The following MSRB1 variants were observed in gnomAD, a reference collection of about 807,000 sequenced individuals.
MSRB1 encodes methionine-R-sulfoxide reductase B1.
In MSRB1, 13 loss-of-function variants were observed where a neutral mutation model predicts 15.2. The ratio of observed to expected loss-of-function variants is 0.86; its 90% CI spans 0.56 to 1.36. The LOEUF is 1.36. MSRB1 is among the 40% of genes most tolerant of loss of function. The pLI is 0.00. For missense variants in MSRB1, 174 were observed against 155.9 expected, an observed-to-expected ratio of 1.12 and a Z score of -0.62; for synonymous variants, 68 against 64.5, an observed-to-expected ratio of 1.05 and a Z score of -0.26.
chr16:1,943,023 C>T (rs939706366), intron 1 of MSRB1, 79 bp downstream of exon 1: 4 of 1,530,942 alleles, frequency 2.6e-6, no homozygotes, highest in African/African-American at 2.8e-5. Flanking sequence ...AGAGACATCA[C>T]CCCCGGACGA....
At chr16:1,939,178 G>C in intron 3 of MSRB1, 35 bp from the exon 4 acceptor site, 1 of 1,587,996 alleles carries the variant, frequency 6.3e-7, no homozygotes, top group Non-Finnish European at 8.5e-7. Flanking sequence ...AAGTATGCGG[G>C]GACAGAAAGC....
At chr16:1,941,699 A>T in intron 1 of MSRB1, 2 of 447,374 alleles carry the variant, frequency 4.5e-6, no homozygotes. Flanking sequence ...ACTCAGCTAC[A>T]AGTGTGTGCA....
chr16:1,941,535 G>T, intron 1 of MSRB1, 130 bp from the exon 2 acceptor site: 1 of 1,310,056 alleles, frequency 7.6e-7, no homozygotes, highest in South Asian at 1.5e-5. Context: ...TCCTTCCCCA[G>T]GCACCCGCCA....
At chr16:1,939,178 G>A in intron 3 of MSRB1, 35 bp from the exon 4 acceptor site, 1 of 1,587,996 alleles carries the variant, frequency 6.3e-7, no homozygotes, top group South Asian at 1.1e-5. Context: ...AAGTATGCGG[G>A]GACAGAAAGC....
chr16:1,941,033 G>A lies in MSRB1; in HGVS notation c.205-141C>T, dbSNP rs574586164. 5.6e-5 allele frequency: 87 copies of A among 1,553,126 alleles called. 1 individual carries two copies. In the South Asian group the frequency reaches 8.7e-4, roughly 16 times the overall value. On this transcript the variant is annotated intron_variant, in intron 2 of 3. Transcript: ENST00000361871. ...CCGCCGACATAAGAGGTTGACCTTT[G>A]TCCTGGAGCCCGTACAGGAAACCTG...
At chr16:1,941,493 A>G in intron 1 of MSRB1, 88 bp from the exon 2 acceptor site, 3 of 1,478,436 alleles carry the variant, frequency 2.0e-6, no homozygotes, top group Non-Finnish European at 2.7e-6. Context: ...AGGCAAAGAC[A>G]GCGCTGCCCC....
Position 1,939,046 on chromosome 16 carries a change from C to G in MSRB1, c.*66G>C, listed in dbSNP as rs999835047. ...GTCTCGACGCCCAGGGTTCCAACTC[C>G]AAGGTGGAATGGCCAACGTGTGGCC... On this transcript the variant is annotated 3_prime_UTR_variant, in exon 4 of 4. Coordinates refer to ENST00000361871, the MANE Select transcript of MSRB1 (RefSeq NM_016332.4). The G allele has an allele frequency of 1.3e-6, 2 of 1,593,336 alleles. No individual in the cohort carries two copies. The highest frequency in any genetic ancestry group is 2.7e-5 in the African/African-American group (2 of 74,544).
chr16:1,941,035 C>T (rs1415736134), intron 2 of MSRB1, 143 bp from the exon 3 acceptor site: 1 of 1,552,798 alleles, frequency 6.4e-7, no homozygotes, highest in Admixed American at 2.0e-5. Context: ...TGACCTTTGT[C>T]CTGGAGCCCG....
chr16:1,939,021 G>A lies in MSRB1; in HGVS notation c.*91C>T. 2 of 1,514,068 alleles carry A rather than the reference G, an allele frequency of 1.3e-6. No homozygotes were observed. Among genetic ancestry groups the A allele is most frequent in the Admixed American group, 1.8e-5 (1 of 54,968 alleles). The allele number at this position is 1,514,068 out of a possible 1,614,324, so 93.8% of individuals were successfully genotyped here. ...TTCAACCACTGCGCCCTGCCTTCCTGTCTCGACGCCCAGGGTTCCAACTCC... is the reference window on the plus strand; with the variant it reads ...TTCAACCACTGCGCCCTGCCTTCCTATCTCGACGCCCAGGGTTCCAACTCC... On this transcript the variant is annotated 3_prime_UTR_variant, in exon 4 of 4. Coordinates refer to ENST00000361871, the MANE Select transcript of MSRB1 (RefSeq NM_016332.4).
rs759315403 is a variant in MSRB1 at position 1,940,833 on chromosome 16, C to T, written c.264G>A (p.Lys88=). The change falls in exon 3 of 4, where the codon AAG becomes AAA. Residue 88 remains lysine (K), a synonymous_variant. Coordinates refer to ENST00000361871, the MANE Select transcript of MSRB1 (RefSeq NM_016332.4). ...ATATTCAGAATCGGGACTGCCCCGG[C>T]TTGGGGCCGTCGTTCAGGAACTCGT... The part of the protein sequence containing the change: ...LGHEFLNDGP[K]PGQSRFUIFS... 2 of 1,614,050 alleles carry T rather than the reference C, an allele frequency of 1.2e-6. No individual in the cohort carries two copies. Among genetic ancestry groups the T allele is most frequent in the Non-Finnish European group, 1.7e-6 (2 of 1,180,052 alleles).
At chr16:1,939,599 A>T (rs1426459227) in intron 3 of MSRB1, among the ~76,000 whole-genome samples, 1 of 152,188 alleles carries the variant, frequency 6.6e-6, no homozygotes. Context: ...TTGGGAGGCC[A>T]AGGCCCAGAG....
rs757064805 is a variant in MSRB1 at position 1,939,063 on chromosome 16, C to T, written c.*49G>A. On this transcript the variant is annotated 3_prime_UTR_variant, in exon 4 of 4. Transcript: ENST00000361871. ...TCCAACTCCAAGGTGGAATGGCCAA[C>T]GTGTGGCCTCAGTGTGGTGGCCGTC... The T allele has an allele frequency of 1.7e-5, 28 of 1,609,388 alleles. No homozygotes were observed. In the Admixed American group the frequency reaches 3.2e-4, roughly 18 times the overall value.
intron 2 of MSRB1, 62 bp from the exon 3 acceptor site, chr16:1,940,954 C>A: frequency 6.2e-7 from 1 of 1,608,058 alleles, no homozygotes; most frequent in East Asian, 2.2e-5. Context: ...AGTGAAGGCC[C>A]TTACTGGGGC....
chr16:1,941,500 C>G, intron 1 of MSRB1, 95 bp from the exon 2 acceptor site: 1 of 1,463,828 alleles, frequency 6.8e-7, no homozygotes. Flanking sequence ...GACAGCGCTG[C>G]CCCCGTTCCG....
chr16:1,938,396 G>A lies in MSRB1; in HGVS notation c.*716C>T, dbSNP rs1241192174. On this transcript the variant is annotated 3_prime_UTR_variant, in exon 4 of 4. Transcript: ENST00000361871. The stretch of plus-strand genomic sequence containing the variant: ...CACCTTGGGAAGGGCCTCCCTGCAG[G>A]TGTGCACTGCAGGCCTCAGCCCTGT... 1 of 152,614 alleles carries A rather than the reference G, an allele frequency of 6.6e-6. No homozygotes were observed. The highest frequency in any genetic ancestry group is 1.5e-5 in the Non-Finnish European group (1 of 68,276). The allele number at this position is 152,614 out of a possible 1,614,324, so 9.5% of individuals were successfully genotyped here.
intron 3 of MSRB1, among the ~76,000 whole-genome samples, chr16:1,939,692 G>A (rs879309106): frequency 3.3e-5 from 5 of 152,128 alleles, no homozygotes; most frequent in Admixed American, 1.3e-4. Context: ...GGTAGCTCAC[G>A]CCTATAATCC....
In MSRB1 at chr16:1,938,640, G is replaced by C. The variant is rs1853314541; in HGVS notation, c.*472C>G. On this transcript the variant is annotated 3_prime_UTR_variant, in exon 4 of 4. Transcript: ENST00000361871. ...GCGGATCATGCAGTGACCAGGGCCA[G>C]GGCGGCTGGCAGGGGCGGCCTCCGT... 1 of 212,240 alleles carries C rather than the reference G, an allele frequency of 4.7e-6. No homozygotes were observed. Among genetic ancestry groups the C allele is most frequent in the African/African-American group, 2.4e-5 (1 of 41,860 alleles). The allele number at this position is 212,240 out of a possible 1,614,324, so 13.1% of individuals were successfully genotyped here.
chr16:1,942,916 A>C (rs2083088363), intron 1 of MSRB1, among the ~76,000 whole-genome samples, 186 bp downstream of exon 1: 6 of 124,208 alleles, frequency 4.8e-5, no homozygotes, highest in South Asian at 2.5e-4. Flanking sequence ...CGGGTACCCC[A>C]CTCTCCTCGC....
chr16:1,938,824 G>C lies in MSRB1; in HGVS notation c.*288C>G, dbSNP rs999486491. 1.5e-5 allele frequency: 8 copies of C among 521,592 alleles called. No individual in the cohort carries two copies. The African/African-American group carries it at 1.6e-4, about 11-fold the overall frequency. The allele number at this position is 521,592 out of a possible 1,614,324, so 32.3% of individuals were successfully genotyped here. A position where few individuals can be genotyped will look rare whatever the true frequency, so the allele number is the denominator to read the frequency against. ...TCATTCAGAGACCAGCTGCACCCAGGGCTCACCTCCTGGAGGCACCTAGAG... is the reference window on the plus strand; with the variant it reads ...TCATTCAGAGACCAGCTGCACCCAGCGCTCACCTCCTGGAGGCACCTAGAG... On this transcript the variant is annotated 3_prime_UTR_variant, in exon 4 of 4. Coordinates refer to ENST00000361871, the MANE Select transcript of MSRB1 (RefSeq NM_016332.4).
Sources: gnomAD v4.1 joint callset for allele counts (sites outside exome capture counted in the v4.1 genomes callset) on GRCh38, gnomAD v4.1.1 for gene constraint, MANE v1.5 for transcripts, NCBI Gene and HGNC (gene_info 2026-07-23, HGNC 2026-07-21) for gene names.